The following PCTP variants were observed in gnomAD, a reference collection of about 807,000 sequenced individuals.
The protein encoded by PCTP is phosphatidylcholine transfer protein.
A neutral mutation model predicts 31.0 loss-of-function variants in PCTP; 27 were observed. The ratio of observed to expected loss-of-function variants is 0.87; its 90% CI spans 0.64 to 1.20. The LOEUF (loss-of-function observed/expected upper bound fraction) is 1.20, where lower values mean the gene tolerates loss of function less well. Among genes scored for constraint, PCTP ranks in the 50% most tolerant of loss-of-function variants. The pLI, the probability that PCTP is intolerant of heterozygous loss-of-function variation, is 0.00. For synonymous variants in PCTP, 108 were observed against 101.2 expected (o/e 1.07, Z -0.40); for missense variants, 287 against 268.2 (o/e 1.07, Z -0.49).
At chr17:55,786,844 A>G (rs932729082) in intron 2 of PCTP, among the ~76,000 whole-genome samples, 2 of 152,162 alleles carry the variant, frequency 1.3e-5, no homozygotes, top group Admixed American at 6.5e-5. Context: ...AATGAGAGCA[A>G]TGGGGCTCCT....
chr17:55,810,889 T>C (rs1427080009), intron 3 of PCTP, among the ~76,000 whole-genome samples: 1 of 152,204 alleles, frequency 6.6e-6, no homozygotes, highest in African/African-American at 2.4e-5. Flanking sequence ...AGAATTGCTG[T>C]ATGGAGCAGG....
At chr17:55,833,077 T>C (rs559988676) in intron 5 of PCTP, among the ~76,000 whole-genome samples, 1 of 152,056 alleles carries the variant, frequency 6.6e-6, no homozygotes, top group African/African-American at 2.4e-5. Flanking sequence ...CTGAGGTGGT[T>C]AGAGATGGTC....
chr17:55,847,037 T>C (rs1192897005), downstream of PCTP, among the ~76,000 whole-genome samples: 2 of 152,208 alleles, frequency 1.3e-5, no homozygotes, highest in African/African-American at 2.4e-5. Context: ...GTGATTGCCA[T>C]GTAGTAGCCT....
downstream of PCTP, among the ~76,000 whole-genome samples, chr17:55,843,974 T>C (rs1906066475): frequency 6.6e-6 from 1 of 152,106 alleles, no homozygotes; most frequent in South Asian, 2.1e-4. Context: ...TAAGAAGCAA[T>C]TTTCCAAGGT....
At chr17:55,786,190 C>T (rs571955390) in intron 2 of PCTP, among the ~76,000 whole-genome samples, 109 of 152,034 alleles carry the variant, frequency 7.2e-4, no homozygotes, top group African/African-American at 2.1e-3. Flanking sequence ...AGCTGAGGCA[C>T]GAAAATAACT....
At chr17:55,806,467 A>G (rs758443847) in intron 3 of PCTP, among the ~76,000 whole-genome samples, 2 of 152,158 alleles carry the variant, frequency 1.3e-5, no homozygotes, top group Non-Finnish European at 2.9e-5. Context: ...GCTAGTTTTT[A>G]AACATTTATG....
At chr17:55,845,594 T>G (rs565017705), downstream of PCTP, among the ~76,000 whole-genome samples, 3 of 152,326 alleles carry the variant, frequency 2.0e-5, no homozygotes, top group South Asian at 6.2e-4. Flanking sequence ...ATTTGGGATT[T>G]TGGGTTTCCC....
intron 5 of PCTP, among the ~76,000 whole-genome samples, chr17:55,836,205 T>C (rs1474472798): frequency 1.3e-5 from 2 of 152,294 alleles, no homozygotes; most frequent in South Asian, 2.1e-4. Context: ...AAAAATTCAA[T>C]CAAATGACAT....
In PCTP at chr17:55,774,817, G is replaced by C; in HGVS notation, c.537G>C (p.Pro179=). 1 of 1,607,950 alleles carries C rather than the reference G, an allele frequency of 6.2e-7. No individual in the cohort carries two copies. The highest frequency in any genetic ancestry group is 1.1e-5 in the South Asian group (1 of 90,856). Residue 179 remains proline (P), a synonymous_variant, in exon 5 of 6, where the codon CCG becomes CCC. Coordinates refer to ENST00000268896, the MANE Select transcript of PCTP (RefSeq NM_021213.4). ...SKVFMYYFDN[P]GGQIPSWLIN... is the part of the protein sequence containing the mutation. ...TTTTCATGTATTACTTCGATAACCC[G>C]GGTGGCCAAATTCCGTCCTGGCTCA...
At chr17:55,816,318 T>C (rs1034088961) in intron 3 of PCTP, among the ~76,000 whole-genome samples, 3 of 152,160 alleles carry the variant, frequency 2.0e-5, no homozygotes, top group African/African-American at 7.2e-5. Context: ...TCTATGAAAT[T>C]GTCTGGATAT....
At chr17:55,816,490 T>C (rs1469225409) in intron 3 of PCTP, among the ~76,000 whole-genome samples, 2 of 152,230 alleles carry the variant, frequency 1.3e-5, no homozygotes, top group African/African-American at 2.4e-5. Context: ...ATGACTCTTT[T>C]AGGATCAATA....
At chr17:55,754,367 A>T (rs1011631751) in intron 1 of PCTP, among the ~76,000 whole-genome samples, 1 of 152,198 alleles carries the variant, frequency 6.6e-6, no homozygotes, top group African/African-American at 2.4e-5. Context: ...ACTTGCTTTC[A>T]TTTACTGGTT....
rs542458842 is a variant in PCTP at position 55,818,335 on chromosome 17, C to T, written c.318-4426C>T. Among the ~76,000 whole-genome samples, 5 of 152,308 alleles carry T rather than the reference C, an allele frequency of 3.3e-5. No homozygotes were observed. In the South Asian group the frequency reaches 1.0e-3, roughly 32 times the overall value. The stretch of plus-strand genomic sequence containing the variant: ...TTTAAACAAGACCACTTTCCTAGCT[C>T]CTCCTGGCTATTCCAACATGGCAAC... On this transcript the variant is annotated intron_variant, in intron 3 of 3. Transcript: ENST00000572536.
At chr17:55,794,635 T>C (rs1598002372) in intron 3 of PCTP, among the ~76,000 whole-genome samples, 1 of 152,008 alleles carries the variant, frequency 6.6e-6, no homozygotes, top group East Asian at 1.9e-4. Context: ...TGTGAAAAAC[T>C]TGAAATTAGA....
rs1008793622 is a variant in PCTP at position 55,774,877 on chromosome 17, G to A, written c.579+18G>A. The A allele has an allele frequency of 1.6e-5, 12 of 772,710 alleles. No homozygotes were observed. The highest frequency in any genetic ancestry group is 2.1e-5 in the Non-Finnish European group (10 of 475,858). The allele number at this position is 772,710 out of a possible 1,614,324, so 47.9% of individuals were successfully genotyped here. ...CCGCCAAGGTGAGATCCCAGGAGGTGGGGCGGGGGGAGGGATGGGGGAGTG... is the reference window on the plus strand; with the variant it reads ...CCGCCAAGGTGAGATCCCAGGAGGTAGGGCGGGGGGAGGGATGGGGGAGTG... On this transcript the variant is annotated intron_variant, in intron 5 of 5. Coordinates refer to ENST00000268896, the MANE Select transcript of PCTP (RefSeq NM_021213.4).
intron 2 of PCTP, among the ~76,000 whole-genome samples, chr17:55,785,140 A>G (rs1911702180): frequency 6.6e-6 from 1 of 152,252 alleles, no homozygotes; most frequent in Non-Finnish European, 1.5e-5. Context: ...ATTAAATTGT[A>G]AAATACTCTG....
At position 55,777,220 on chromosome 17, in the gene PCTP, A is replaced by G; in HGVS notation, c.*1120A>G. The G allele has an allele frequency of 1.0e-6, 1 of 985,348 alleles. No homozygotes were observed. Among genetic ancestry groups the G allele is most frequent in the African/African-American group, 1.7e-5 (1 of 57,336 alleles). 61.0% of individuals were successfully genotyped at this position (985,348 alleles called of 1,614,324 possible). A position where few individuals can be genotyped will look rare whatever the true frequency, so the allele number is the denominator to read the frequency against. ...ATGATCTCAGGGAAAAATTTTAATC[A>G]CTGTGTATAATGATACTGAACCTTG... On this transcript the variant is annotated 3_prime_UTR_variant, in exon 6 of 6. Coordinates refer to ENST00000268896, the MANE Select transcript of PCTP (RefSeq NM_021213.4).
intron 3 of PCTP, among the ~76,000 whole-genome samples, chr17:55,790,207 G>C (rs1210558187): frequency 2.6e-5 from 4 of 151,970 alleles, no homozygotes; most frequent in African/African-American, 9.7e-5. Context: ...ATACTGAATG[G>C]GCAAAAACTG....
chr17:55,831,956 G>A (rs1905611201), intron 5 of PCTP, among the ~76,000 whole-genome samples: 1 of 152,114 alleles, frequency 6.6e-6, no homozygotes, highest in Non-Finnish European at 1.5e-5. Flanking sequence ...GGCACCTGTA[G>A]TCCCAGCTAC....
Sources: allele counts gnomAD v4.1 joint callset (sites outside exome capture counted in the v4.1 genomes callset), GRCh38; gene constraint gnomAD v4.1.1; transcripts MANE v1.5; gene names NCBI Gene and HGNC (gene_info 2026-07-23, HGNC 2026-07-21).